The following ACSL3 variants were observed in gnomAD, a reference collection of about 807,000 sequenced individuals.
The protein encoded by ACSL3 is fatty acid CoA ligase Acsl3.
A neutral mutation model predicts 84.7 loss-of-function variants in ACSL3; 34 were observed. The ratio of observed to expected loss-of-function variants is 0.40; its 90% CI spans 0.31 to 0.53. The LOEUF is 0.53. Among genes scored for constraint, ACSL3 ranks in the 20% least tolerant of loss-of-function variants. ACSL3 has a pLI of 0.48. For synonymous variants in ACSL3, 315 were observed against 299.4 expected, an observed-to-expected ratio of 1.05 and a Z score of -0.54; for missense variants, 680 against 873.1, an observed-to-expected ratio of 0.78 and a Z score of 2.79.
chr2:222,867,251 A>T (rs1207945550), intron 1 of ACSL3, among the ~76,000 whole-genome samples: 1 of 152,188 alleles, frequency 6.6e-6, no homozygotes, highest in Admixed American at 6.5e-5. Flanking sequence ...GGGATCCCAT[A>T]GTCTGCTAAT....
intron 2 of ACSL3, among the ~76,000 whole-genome samples, chr2:222,888,427 G>A (rs947366763): frequency 5.9e-5 from 9 of 152,128 alleles, no homozygotes; most frequent in Admixed American, 2.6e-4. Context: ...GGTTTTTAGC[G>A]TTCTGTGAAA....
At chr2:222,864,745 C>CTAGAA (rs1484313717) in intron 1 of ACSL3, among the ~76,000 whole-genome samples, 1 of 152,036 alleles carries the variant, frequency 6.6e-6, no homozygotes, top group Non-Finnish European at 1.5e-5. Flanking sequence ...TGAATATAGA[C>CTAGAA]TAGAAAAGGG....
chr2:222,869,391 T>A (rs1363929420), intron 1 of ACSL3, among the ~76,000 whole-genome samples: 1 of 152,348 alleles, frequency 6.6e-6, no homozygotes, highest in South Asian at 2.1e-4. Context: ...TTTTCTGTTT[T>A]CCCTATGTAT....
intron 13 of ACSL3, among the ~76,000 whole-genome samples, chr2:222,929,300 TTTTC>T (rs1402735264): frequency 4.5e-5 from 2 of 44,870 alleles, no homozygotes; most frequent in African/African-American, 2.9e-4. Context: ...TAAATGATTT[TTTTC>T]TTTTTTTTTC....
In ACSL3 at chr2:222,919,065, A is replaced by T. The variant is rs1696659442; in HGVS notation, c.668A>T (p.Asp223Val). 9.3e-6 allele frequency: 15 copies of T among 1,613,186 alleles called. No individual in the cohort carries two copies. Among genetic ancestry groups the T allele is most frequent in the Non-Finnish European group, 1.3e-5 (15 of 1,179,696 alleles). Reference protein sequence around the residue: ...SKELLQTKLKDIVSLVPRLRH... With the variant: ...SKELLQTKLKVIVSLVPRLRH... ...TGATGAATGTTGGTGTATTTCTAGG[A>T]TATAGTTTCTTTGGTCCCACGCCTG... The change falls in exon 7 of 17, where the codon GAT (aspartate) becomes GTT (valine). Residue 223 changes from aspartate to valine, a missense_variant and splice_region_variant. Asp to Val is a radical substitution (Grantham distance 152, BLOSUM62 -3). This residue lies in a region of ACSL3 where 333 missense variants were observed against 347.5 expected (regional missense o/e 0.96). Transcript: ENST00000357430.
At chr2:222,929,739 C>T (rs1260403686) in intron 13 of ACSL3, among the ~76,000 whole-genome samples, 1 of 151,866 alleles carries the variant, frequency 6.6e-6, no homozygotes, top group African/African-American at 2.4e-5. Flanking sequence ...GATTGCGCCA[C>T]TGCACTCTAG....
rs57546680 is a variant in ACSL3 at position 222,914,234 on chromosome 2, CGTGTGTGTGTGTGTGTGTGTGT to C, written c.379-2062_379-2041del. Among the ~76,000 whole-genome samples the C allele has an allele frequency of 4.4e-3, 618 of 140,266 alleles. 2 individuals carry two copies. Among genetic ancestry groups the C allele is most frequent in the Middle Eastern group, 0.021 (6 of 282 alleles). 92.0% of individuals were successfully genotyped at this position (140,266 alleles called of 152,430 possible). ...AGGAAGGGTGGAAGGTGTGTGTGTA[CGTGTGTGTGTGTGTGTGTGTGT>C]GTGTGTGTGTGTGTGTGTGTGTATT... On this transcript the variant is annotated intron_variant, in intron 4 of 16. Transcript: ENST00000357430.
intron 1 of ACSL3, among the ~76,000 whole-genome samples, chr2:222,869,391 T>C (rs1363929420): frequency 6.6e-6 from 1 of 152,230 alleles, no homozygotes; most frequent in African/African-American, 2.4e-5. Context: ...TTTTCTGTTT[T>C]CCCTATGTAT....
At position 222,909,084 on chromosome 2, in the gene ACSL3, C is replaced by G. The variant is rs1345654971; in HGVS notation, c.312C>G (p.Leu104=). 1.0e-5 allele frequency: 16 copies of G among 1,607,406 alleles called. No homozygotes were observed. The highest frequency in any genetic ancestry group is 1.4e-5 in the Non-Finnish European group (16 of 1,178,460). The change falls in exon 4 of 17, where the codon CTC becomes CTG. Residue 104 remains leucine, a synonymous_variant. Coordinates refer to ENST00000357430, the MANE Select transcript of ACSL3 (RefSeq NM_004457.5). ...AAAACAAATTTAAGAACAAAAGACT[C>G]TTGGGAACACGTGAAGTTTTAAATG... The part of the protein sequence containing the change: ...YAKNKFKNKR[L]LGTREVLNEE...
At chr2:222,891,906 A>G (rs1232200803) in intron 2 of ACSL3, among the ~76,000 whole-genome samples, 1 of 152,228 alleles carries the variant, frequency 6.6e-6, no homozygotes, top group Admixed American at 6.5e-5. Flanking sequence ...TCCTAGTTGT[A>G]AAGTGGAACT....
intron 4 of ACSL3, among the ~76,000 whole-genome samples, chr2:222,910,086 G>C (rs1480550771): frequency 6.6e-6 from 1 of 152,126 alleles, no homozygotes; most frequent in East Asian, 1.9e-4. Context: ...AACAATTTGT[G>C]GCACTTAATG....
chr2:222,904,202 C>T (rs1468007050), intron 3 of ACSL3, among the ~76,000 whole-genome samples: 5 of 151,756 alleles, frequency 3.3e-5, no homozygotes, highest in African/African-American at 9.7e-5. Flanking sequence ...ACCTGGGAGG[C>T]GGAGGTTGCA....
intron 14 of ACSL3, 148 bp downstream of exon 14, chr2:222,930,960 T>A: frequency 1.5e-6 from 1 of 677,574 alleles, no homozygotes; most frequent in Non-Finnish European, 2.3e-6. Context: ...TATAAAATAT[T>A]ACGGACTGTG....
At chr2:222,865,349 TAAATA>T (rs1198466552) in intron 1 of ACSL3, among the ~76,000 whole-genome samples, 1 of 152,260 alleles carries the variant, frequency 6.6e-6, no homozygotes, top group Non-Finnish European at 1.5e-5. Flanking sequence ...TGAAGATACT[TAAATA>T]ACCAACCTTT....
In ACSL3 at chr2:222,916,433, T is replaced by A. The variant is rs752248056; in HGVS notation, c.493T>A (p.Phe165Ile). The change falls in exon 5 of 17, where the codon TTC becomes ATC. Residue 165 changes from phenylalanine (F) to isoleucine (I), a missense_variant. By Grantham distance (21) the Phe-to-Ile change is conservative. Coordinates refer to ENST00000357430, the MANE Select transcript of ACSL3 (RefSeq NM_004457.5). ...GQKPKTNIAI[F>I]CETRAEWMIA... ...GAAACCAAAGACCAACATCGCCATC[T>A]TCTGTGAGACCAGGGCCGAGTGGAT... The A allele has an allele frequency of 6.2e-7, 1 of 1,614,110 alleles. No individual in the cohort carries two copies. The highest frequency in any genetic ancestry group is 1.1e-5 in the South Asian group (1 of 91,074).
At chr2:222,875,052 T>G (rs1467643636) in intron 1 of ACSL3, among the ~76,000 whole-genome samples, 1 of 152,226 alleles carries the variant, frequency 6.6e-6, no homozygotes, top group Non-Finnish European at 1.5e-5. Flanking sequence ...TGTAAAAATT[T>G]AGCTTTTGAT....
chr2:222,922,963 T>G (rs1696779888), intron 9 of ACSL3, 115 bp from the exon 10 acceptor site: 1 of 1,379,512 alleles, frequency 7.2e-7, no homozygotes, highest in African/African-American at 1.5e-5. Flanking sequence ...TTTTAAGTGC[T>G]TCTTAGACTG....
At chr2:222,914,619 C>T (rs1574550655) in intron 4 of ACSL3, among the ~76,000 whole-genome samples, 1 of 152,060 alleles carries the variant, frequency 6.6e-6, no homozygotes, top group Non-Finnish European at 1.5e-5. Context: ...GGTGAGAAAA[C>T]GAATAGACCA....
At chr2:222,901,110 C>T (rs1333233086) in intron 3 of ACSL3, among the ~76,000 whole-genome samples, 1 of 152,154 alleles carries the variant, frequency 6.6e-6, no homozygotes, top group Non-Finnish European at 1.5e-5. Context: ...CAAAAAATTG[C>T]CATTTGATCC....
Sources: allele counts gnomAD v4.1 joint callset (sites outside exome capture counted in the v4.1 genomes callset), GRCh38; gene constraint gnomAD v4.1.1; regional missense constraint gnomAD v4.1.1; transcripts MANE v1.5; gene names NCBI Gene and HGNC (gene_info 2026-07-23, HGNC 2026-07-21).